ANKS1B: variants seen among roughly 807,000 people sequenced by gnomAD.
ANKS1B encodes ankyrin repeat and sterile alpha motif domain-containing protein 1B.
A neutral mutation model predicts 148.3 loss-of-function variants in ANKS1B; 36 were observed. That is an observed-to-expected ratio of 0.24 (90% CI 0.19 to 0.32). ANKS1B has a LOEUF of 0.32. Among genes scored for constraint, ANKS1B ranks in the 10% least tolerant of loss-of-function variants. The pLI is 1.00. For synonymous variants in ANKS1B, 542 were observed against 560.8 expected (o/e 0.97, Z 0.47); for missense variants, 1,157 against 1,542.6 (o/e 0.75, Z 4.19).
At chr12:99,627,201 A>T (rs2098119036) in intron 9 of ANKS1B, among the ~76,000 whole-genome samples, 1 of 152,214 alleles carries the variant, frequency 6.6e-6, no homozygotes, top group Non-Finnish European at 1.5e-5. Context: ...ATATGCAGAA[A>T]ACAACATAAC....
At chr12:99,577,169 T>C (rs1432271418) in intron 9 of ANKS1B, among the ~76,000 whole-genome samples, 2 of 151,878 alleles carry the variant, frequency 1.3e-5, no homozygotes, top group African/African-American at 2.4e-5. Context: ...CCATCCAGTC[T>C]TTCTCTGAGT....
At chr12:99,518,302 A>C (rs1431710817) in intron 9 of ANKS1B, among the ~76,000 whole-genome samples, 2 of 151,996 alleles carry the variant, frequency 1.3e-5, no homozygotes, top group Non-Finnish European at 2.9e-5. Flanking sequence ...TTAGTTCTTT[A>C]AATGTTTGGT....
chr12:98,802,759 C>T (rs576166970), intron 20 of ANKS1B, among the ~76,000 whole-genome samples: 3 of 151,868 alleles, frequency 2.0e-5, no homozygotes, highest in South Asian at 4.2e-4. Context: ...GGAACTCCTT[C>T]GGCTTTTCTC....
intron 12 of ANKS1B, among the ~76,000 whole-genome samples, chr12:99,394,535 C>G (rs559883240): frequency 2.8e-4 from 42 of 152,172 alleles, no homozygotes; most frequent in Non-Finnish European, 4.1e-4. Context: ...CCCCCCCACC[C>G]CCAATATTGT....
At chr12:99,203,652 T>C (rs888045529) in intron 14 of ANKS1B, among the ~76,000 whole-genome samples, 1 of 152,180 alleles carries the variant, frequency 6.6e-6, no homozygotes, top group East Asian at 1.9e-4. Flanking sequence ...GGGGTTTCAC[T>C]GTGTTAGCCA....
At chr12:98,837,163 C>G (rs1440341487) in intron 17 of ANKS1B, among the ~76,000 whole-genome samples, 1 of 117,058 alleles carries the variant, frequency 8.5e-6, no homozygotes, top group African/African-American at 2.7e-5. Context: ...AACCCCGTCT[C>G]TATTAAAAAT....
chr12:99,170,312 T>A (rs2153836118), intron 14 of ANKS1B, among the ~76,000 whole-genome samples: 1 of 152,074 alleles, frequency 6.6e-6, no homozygotes, highest in Admixed American at 6.5e-5. Context: ...GCCCAGACTC[T>A]CGAGCCAGAC....
chr12:98,786,495 AT>A (rs1188062327), intron 22 of ANKS1B, among the ~76,000 whole-genome samples: 1 of 152,216 alleles, frequency 6.6e-6, no homozygotes, highest in Non-Finnish European at 1.5e-5. Context: ...CTCCTTTTTA[AT>A]TTTAAATTAT....
At chr12:99,792,884 T>C (rs568173909) in intron 4 of ANKS1B, among the ~76,000 whole-genome samples, 2 of 151,982 alleles carry the variant, frequency 1.3e-5, no homozygotes, top group African/African-American at 2.4e-5. Flanking sequence ...GGCATCCAAA[T>C]TGGAAAGGAA....
intron 12 of ANKS1B, among the ~76,000 whole-genome samples, chr12:99,371,461 G>T (rs1324899989): frequency 1.3e-5 from 2 of 152,030 alleles, no homozygotes; most frequent in Admixed American, 1.3e-4. Context: ...TAGGATTAAA[G>T]ATCTGATGAA....
chr12:99,445,074 G>A lies in ANKS1B; in HGVS notation c.1439-1265C>T, dbSNP rs542663690. Among the ~76,000 whole-genome samples the A allele has an allele frequency of 3.2e-4, 48 of 152,098 alleles. No homozygotes were observed. The South Asian group carries it at 6.4e-3, about 20-fold the overall frequency. ...AAAATAAGTCTTAAAAGTGTCCAGA[G>A]CACACTCTTCTAAGATTTAACAGAA... On this transcript the variant is annotated intron_variant, in intron 10 of 26. Transcript: ENST00000683438.
intron 12 of ANKS1B, among the ~76,000 whole-genome samples, chr12:99,381,210 T>C (rs941215526): frequency 6.6e-6 from 1 of 152,166 alleles, no homozygotes; most frequent in African/African-American, 2.4e-5. Context: ...GCCACCCAGT[T>C]TGTGGTACTT....
At chr12:99,588,928 C>T (rs1176705627) in intron 9 of ANKS1B, among the ~76,000 whole-genome samples, 1 of 152,178 alleles carries the variant, frequency 6.6e-6, no homozygotes, top group Non-Finnish European at 1.5e-5. Context: ...CATTTCCCTA[C>T]CTATTTTATT....
intron 9 of ANKS1B, among the ~76,000 whole-genome samples, chr12:99,541,760 CAGA>C (rs980938642): frequency 1.3e-4 from 20 of 151,772 alleles, no homozygotes; most frequent in African/African-American, 4.6e-4. Context: ...GAGGCTGAGG[CAGA>C]AGAACCACTT....
At chr12:99,541,235 AC>A (rs1412439235) in intron 9 of ANKS1B, among the ~76,000 whole-genome samples, 5 of 151,854 alleles carry the variant, frequency 3.3e-5, no homozygotes, top group African/African-American at 4.8e-5. Flanking sequence ...TTTAAAAAAA[AC>A]AAACAAACAA....
At chr12:99,049,479 G>A (rs7302748) in intron 17 of ANKS1B, among the ~76,000 whole-genome samples, 9,994 of 152,160 alleles carry the variant, frequency 0.066, 743 homozygotes, top group African/African-American at 0.17. Flanking sequence ...TAGGATGATA[G>A]CTCTACTGCA....
chr12:99,326,003 A>C (rs1314467918), intron 12 of ANKS1B, among the ~76,000 whole-genome samples: 3 of 152,116 alleles, frequency 2.0e-5, no homozygotes, highest in African/African-American at 7.2e-5. Flanking sequence ...ACAAGGCAGC[A>C]TGAAGGAGAA....
intron 14 of ANKS1B, among the ~76,000 whole-genome samples, chr12:99,168,617 A>C (rs1404847642): frequency 6.6e-6 from 1 of 152,168 alleles, no homozygotes; most frequent in Non-Finnish European, 1.5e-5. Flanking sequence ...TAATCAGAGA[A>C]TGACTCTCTG....
chr12:99,377,271 G>T (rs1226871318), intron 12 of ANKS1B, among the ~76,000 whole-genome samples: 1 of 152,096 alleles, frequency 6.6e-6, no homozygotes, highest in African/African-American at 2.4e-5. Flanking sequence ...CTCCCAAAGT[G>T]GTGGATTATG....
Sources: allele counts gnomAD v4.1 joint callset (sites outside exome capture counted in the v4.1 genomes callset), GRCh38; gene constraint gnomAD v4.1.1; transcripts MANE v1.5; gene names NCBI Gene and HGNC (gene_info 2026-07-23, HGNC 2026-07-21).